Variants in CFAP298 observed in about 807,000 individuals in gnomAD.
CFAP298 encodes cilia and flagella associated protein 298.
In CFAP298, 38 loss-of-function variants were observed where a neutral mutation model predicts 41.0. That is an observed-to-expected ratio of 0.93 (90% CI 0.72 to 1.22). The LOEUF (loss-of-function observed/expected upper bound fraction) is 1.22, where lower values mean the gene tolerates loss of function less well. Among genes scored for constraint, CFAP298 ranks in the 50% most tolerant of loss-of-function variants. CFAP298 has a pLI of 0.00. For missense variants in CFAP298, 348 were observed against 360.3 expected (o/e 0.97, Z 0.28); for synonymous variants, 137 against 135.3 (o/e 1.01, Z -0.09).
In CFAP298 at chr21:32,611,977, A is replaced by C. The variant is rs1421188761; in HGVS notation, c.139+128T>G. ...CCGGTTAACCCTAGTGTCCCGTTTC[A>C]ACCCCGGCTGCTGCAAATCTCTTCA... On this transcript the variant is annotated intron_variant, in intron 1 of 6. Transcript: ENST00000290155. The C allele has an allele frequency of 2.6e-6, 3 of 1,169,396 alleles. No individual in the cohort carries two copies. In the African/African-American group the frequency reaches 4.8e-5, roughly 19 times the overall value. 72.4% of individuals were successfully genotyped at this position (1,169,396 alleles called of 1,614,324 possible).
Position 32,600,469 on chromosome 21 carries a change from G to C in CFAP298, c.*1394C>G, listed in dbSNP as rs1369920636. ...CGCAGGCACCAAGGCAGGAAGGCCA[G>C]GGCAGGAAGATGCCCCGCGTCCTTC... is the stretch of plus-strand genomic sequence containing the variant. On this transcript the variant is annotated 3_prime_UTR_variant, in exon 7 of 7. Transcript: ENST00000290155. Among the ~76,000 whole-genome samples the C allele has an allele frequency of 6.6e-6, 1 of 152,198 alleles. No individual in the cohort carries two copies. The highest frequency in any genetic ancestry group is 1.5e-5 in the Non-Finnish European group (1 of 68,034).
chr21:32,604,188 C>A lies in CFAP298; in HGVS notation c.471G>T (p.Gly157=), dbSNP rs780413008. Reference sequence around the variant, plus strand: ...TGCGGATGGGATCATACGGTGGCAACCCCATGGGGTAAACAATCATCACCG... The same window carrying A: ...TGCGGATGGGATCATACGGTGGCAAACCCATGGGGTAAACAATCATCACCG... The part of the protein sequence containing the change: ...RGAVMIVYPM[G]LPPYDPIRME... Residue 157 remains glycine, a synonymous_variant, in exon 4 of 7, where the codon GGG becomes GGT. Transcript: ENST00000290155. The A allele has an allele frequency of 6.2e-7, 1 of 1,614,098 alleles. No individual in the cohort carries two copies. The highest frequency in any genetic ancestry group is 2.2e-5 in the East Asian group (1 of 44,866).
chr21:32,607,356 G>A (rs2038887571), intron 3 of CFAP298, among the ~76,000 whole-genome samples: 1 of 152,156 alleles, frequency 6.6e-6, no homozygotes, highest in Non-Finnish European at 1.5e-5. Flanking sequence ...CACTTTGGGA[G>A]GCCAAGACAG....
Position 32,599,870 on chromosome 21 carries a change from T to C in CFAP298, c.*1993A>G, listed in dbSNP as rs917877152. ...AAGGGCAGGGAGAGAGGATGGTTCT[T>C]CTCGCATGGGTATTTAAGGAGTGTA... On this transcript the variant is annotated 3_prime_UTR_variant, in exon 7 of 7. Transcript: ENST00000290155. Among the ~76,000 whole-genome samples, 4 of 152,226 alleles carry C rather than the reference T, an allele frequency of 2.6e-5. No homozygotes were observed. Among genetic ancestry groups the C allele is most frequent in the African/African-American group, 9.6e-5 (4 of 41,472 alleles).
rs2038988186 is a variant in CFAP298 at position 32,611,329 on chromosome 21, A to AAAATTTATT, written c.139+775_139+776insAATAAATTT. Among the ~76,000 whole-genome samples, 4 of 126,018 alleles carry AAAATTTATT rather than the reference A, an allele frequency of 3.2e-5. 2 individuals carry two copies. Among genetic ancestry groups the AAAATTTATT allele is most frequent in the African/African-American group, 1.4e-4 (4 of 28,382 alleles). 82.7% of individuals were successfully genotyped at this position (126,018 alleles called of 152,430 possible). A position where few individuals can be genotyped will look rare whatever the true frequency, so the allele number is the denominator to read the frequency against. On this transcript the variant is annotated intron_variant, in intron 1 of 6. Transcript: ENST00000290155. ...ACACACACACATACCATATATATAT[A>AAAATTTATT]TATATATATAATTTATTTATATTTA...
At chr21:32,610,074 A>G (rs1370674718) in intron 1 of CFAP298, 69 bp from the exon 2 acceptor site, 2 of 1,398,012 alleles carry the variant, frequency 1.4e-6, no homozygotes, top group African/African-American at 2.9e-5. Context: ...TAAGCTCCAA[A>G]GAGTCAGGGG....
At position 32,599,462 on chromosome 21, in the gene CFAP298, G is replaced by A. The variant is rs550460754; in HGVS notation, c.*2401C>T. 4.6e-5 allele frequency among the ~76,000 whole-genome samples: 7 copies of A among 152,276 alleles called. No homozygotes were observed. The highest frequency in any genetic ancestry group is 1.3e-4 in the Admixed American group (2 of 15,298). On this transcript the variant is annotated 3_prime_UTR_variant, in exon 7 of 7. Coordinates refer to ENST00000290155, the MANE Select transcript of CFAP298 (RefSeq NM_021254.4). ...AAAACCACAGACCTAGATGGGCACC[G>A]TGCATACAGCAGACACTTGGTTTCC... is the stretch of plus-strand genomic sequence containing the variant.
intron 4 of CFAP298, among the ~76,000 whole-genome samples, chr21:32,603,622 G>A (rs551092793): frequency 4.6e-4 from 70 of 152,308 alleles, no homozygotes; most frequent in African/African-American, 1.5e-3. Flanking sequence ...TTAAATCGAG[G>A]TATAAAGGGG....
chr21:32,607,503 G>C (rs2038891285), intron 3 of CFAP298, 146 bp downstream of exon 3: 1 of 538,250 alleles, frequency 1.9e-6, no homozygotes, highest in Non-Finnish European at 3.3e-6. Flanking sequence ...TGAGGCAGGA[G>C]AATTGCTTGA....
rs1364410281 is a variant in CFAP298, at chr21:32,600,084, G to A, written c.*1779C>T. ...TTGGTTAACTGTTTCTTACAAGTCT[G>A]AGCATGAATTTAACACACACGAACT... On this transcript the variant is annotated 3_prime_UTR_variant, in exon 7 of 7. Transcript: ENST00000290155. Among the ~76,000 whole-genome samples the A allele has an allele frequency of 1.3e-5, 2 of 152,174 alleles. No individual in the cohort carries two copies. The highest frequency in any genetic ancestry group is 2.9e-5 in the Non-Finnish European group (2 of 68,030).
At chr21:32,610,772 T>C (rs550674496) in intron 1 of CFAP298, among the ~76,000 whole-genome samples, 2 of 152,302 alleles carry the variant, frequency 1.3e-5, no homozygotes, top group African/African-American at 4.8e-5. Flanking sequence ...AACTCACATA[T>C]TCATATAATG....
rs550484435 is a variant in CFAP298 at position 32,611,423 on chromosome 21, ATATT to A, written c.139+678_139+681del. ...ATATGGTATTTATTTATATTTATAT[ATATT>A]TAATTAATTAAAATGCAAATGTAAA... is the stretch of plus-strand genomic sequence containing the variant. On this transcript the variant is annotated intron_variant, in intron 1 of 6. Coordinates refer to ENST00000290155, the MANE Select transcript of CFAP298 (RefSeq NM_021254.4). 6.6e-3 allele frequency among the ~76,000 whole-genome samples: 978 copies of A among 147,316 alleles called. 17 individuals carry two copies. The highest frequency in any genetic ancestry group is 0.023 in the African/African-American group (932 of 39,930).
rs1268216443 is a variant in CFAP298, at chr21:32,599,546, C to G, written c.*2317G>C. The stretch of plus-strand genomic sequence containing the variant: ...AAAAAGAAGAAAATAACAACAAGAC[C>G]ACAGACTTAAGCTGATCAGTGGTCT... On this transcript the variant is annotated 3_prime_UTR_variant, in exon 7 of 7. Coordinates refer to ENST00000290155, the MANE Select transcript of CFAP298 (RefSeq NM_021254.4). Among the ~76,000 whole-genome samples, 1 of 152,110 alleles carries G rather than the reference C, an allele frequency of 6.6e-6. No homozygotes were observed.
intron 1 of CFAP298, 28 bp downstream of exon 1, chr21:32,612,077 C>G (rs1481527118): frequency 6.5e-7 from 1 of 1,538,536 alleles, no homozygotes; most frequent in Non-Finnish European, 8.8e-7. Context: ...CTCGATCTGT[C>G]CGGGATGGGC....
intron 4 of CFAP298, among the ~76,000 whole-genome samples, 155 bp from the exon 5 acceptor site, chr21:32,603,447 T>C (rs2146552220): frequency 6.6e-6 from 1 of 152,352 alleles, no homozygotes; most frequent in Non-Finnish European, 1.5e-5. Context: ...CCTTGCTGAC[T>C]TTAGTACCTT....
intron 1 of CFAP298, among the ~76,000 whole-genome samples, chr21:32,611,079 G>A (rs1230380420): frequency 1.3e-5 from 2 of 151,706 alleles, no homozygotes; most frequent in East Asian, 3.9e-4. Flanking sequence ...GGAGGCAGGC[G>A]GATCACCTGA....
In CFAP298 at chr21:32,605,695, T is replaced by C. The variant is rs1250654796; in HGVS notation, c.376-1412A>G. ...AATTTGTAGTCAAGCTGGACACAAGTATGGGTGGCCTGGGGACCTCACGTG... is the reference window on the plus strand; with the variant it reads ...AATTTGTAGTCAAGCTGGACACAAGCATGGGTGGCCTGGGGACCTCACGTG... On this transcript the variant is annotated intron_variant, in intron 3 of 6. Transcript: ENST00000290155. Among the ~76,000 whole-genome samples, 3 of 152,250 alleles carry C rather than the reference T, an allele frequency of 2.0e-5. No homozygotes were observed. In the East Asian group the frequency reaches 5.8e-4, roughly 29 times the overall value.
intron 4 of CFAP298, among the ~76,000 whole-genome samples, chr21:32,603,727 TG>T (rs2038804864): frequency 6.6e-6 from 1 of 152,062 alleles, no homozygotes; most frequent in Admixed American, 6.6e-5. Flanking sequence ...CCAAGGAAAA[TG>T]GAACATGAGG....
At chr21:32,611,045 T>C (rs1240909070) in intron 1 of CFAP298, among the ~76,000 whole-genome samples, 3 of 151,928 alleles carry the variant, frequency 2.0e-5, no homozygotes, top group Non-Finnish European at 4.4e-5. Context: ...GGATCACACT[T>C]GTAATCCTAG....
Sources: allele counts gnomAD v4.1 joint callset (sites outside exome capture counted in the v4.1 genomes callset), GRCh38; gene constraint gnomAD v4.1.1; transcripts MANE v1.5; gene names NCBI Gene and HGNC (gene_info 2026-07-23, HGNC 2026-07-21).